The following RBFOX1 variants were observed in gnomAD, a reference collection of about 807,000 sequenced individuals.
RBFOX1 encodes RNA binding fox-1 homolog 1.
A neutral mutation model predicts 57.7 loss-of-function variants in RBFOX1; 8 were observed. The ratio of observed to expected loss-of-function variants is 0.14; its 90% CI spans 0.08 to 0.25. RBFOX1 has a LOEUF of 0.25. Among genes scored for constraint, RBFOX1 ranks in the 10% least tolerant of loss-of-function variants. The probability of loss-of-function intolerance (pLI) is 1.00; values close to 1 mark genes in which losing one functional copy is unlikely to be tolerated. For synonymous variants in RBFOX1, 326 were observed against 222.4 expected, an observed-to-expected ratio of 1.47 and a Z score of -4.15; for missense variants, 611 against 548.5, an observed-to-expected ratio of 1.11 and a Z score of -1.14.
intron 4 of RBFOX1, among the ~76,000 whole-genome samples, chr16:7,363,853 G>C (rs1228242216): frequency 6.6e-6 from 1 of 152,134 alleles, no homozygotes; most frequent in Non-Finnish European, 1.5e-5. Flanking sequence ...TCTGGGTGGA[G>C]GGGGAGGGAC....
chr16:5,688,715 G>T (rs551009027), intron 3 of RBFOX1, among the ~76,000 whole-genome samples: 1 of 152,278 alleles, frequency 6.6e-6, no homozygotes, highest in East Asian at 1.9e-4. Context: ...GTGACATAAT[G>T]GCAAAGACTG....
At chr16:6,600,241 C>A (rs1276923872) in intron 2 of RBFOX1, among the ~76,000 whole-genome samples, 4 of 152,118 alleles carry the variant, frequency 2.6e-5, no homozygotes, top group South Asian at 2.1e-4. Context: ...ACGAAATCCA[C>A]CAGACAGAAT....
intron 1 of RBFOX1, among the ~76,000 whole-genome samples, chr16:5,376,139 G>A (rs1189730999): frequency 2.0e-5 from 3 of 151,058 alleles, no homozygotes; most frequent in Non-Finnish European, 4.4e-5. Flanking sequence ...CTGCTTTCCA[G>A]CCTGGGTGAC....
intron 3 of RBFOX1, among the ~76,000 whole-genome samples, chr16:6,927,895 A>G (rs149937265): frequency 6.6e-6 from 1 of 152,252 alleles, no homozygotes; most frequent in Admixed American, 6.5e-5. Context: ...AGCATACGCT[A>G]AACATCATCT....
chr16:7,041,150 G>C (rs550834870), intron 3 of RBFOX1, among the ~76,000 whole-genome samples: 3 of 142,516 alleles, frequency 2.1e-5, no homozygotes, highest in South Asian at 4.4e-4. Flanking sequence ...TGGTCAGGCT[G>C]GTGTCGAACA....
rs537240030 is a variant in RBFOX1 at position 5,374,303 on chromosome 16, C to T, written c.220-92913C>T. Reference sequence around the variant, plus strand: ...ACTAATAAAAGTGCTGTATGTGATACTGAGATAAAGAGGCCTGGAAGTTTG... The same window carrying T: ...ACTAATAAAAGTGCTGTATGTGATATTGAGATAAAGAGGCCTGGAAGTTTG... On this transcript the variant is annotated intron_variant, in intron 1 of 2. Transcript: ENST00000585867. 4.6e-5 allele frequency among the ~76,000 whole-genome samples: 7 copies of T among 152,284 alleles called. No individual in the cohort carries two copies. The South Asian group carries it at 1.2e-3, about 27-fold the overall frequency.
chr16:6,499,409 A>G (rs867114340), intron 2 of RBFOX1, among the ~76,000 whole-genome samples: 1 of 152,208 alleles, frequency 6.6e-6, no homozygotes, highest in Non-Finnish European at 1.5e-5. Context: ...CTTAATTAAA[A>G]TAAAAACTGT....
chr16:6,869,483 T>C (rs1261064921), intron 3 of RBFOX1, among the ~76,000 whole-genome samples: 1 of 151,852 alleles, frequency 6.6e-6, no homozygotes, highest in South Asian at 2.1e-4. Context: ...TTTTTTTTTT[T>C]TAATGTAAAT....
At chr16:5,712,449 T>C (rs2051525906) in intron 3 of RBFOX1, among the ~76,000 whole-genome samples, 1 of 152,216 alleles carries the variant, frequency 6.6e-6, no homozygotes, top group African/African-American at 2.4e-5. Flanking sequence ...TCAGATCTGA[T>C]TCCAAAGGTT....
chr16:7,368,897 C>T (rs9931249), intron 4 of RBFOX1, among the ~76,000 whole-genome samples: 15 of 151,992 alleles, frequency 9.9e-5, no homozygotes, highest in Non-Finnish European at 2.1e-4. Flanking sequence ...AAGAAAGTGC[C>T]CTCTAATGGC....
rs549791460 is a variant in RBFOX1, at chr16:5,291,387, C to T, written c.219+51282C>T. On this transcript the variant is annotated intron_variant, in intron 1 of 2. Transcript: ENST00000585867. ...ACGCCATTCTCCTGCCTCAGCCTCC[C>T]GAGTAGCTGGGACTACAGGCACCCG... Among the ~76,000 whole-genome samples the T allele has an allele frequency of 2.3e-4, 35 of 151,958 alleles. No individual in the cohort carries two copies. The East Asian group carries it at 3.9e-3, about 17-fold the overall frequency.
intron 15 of RBFOX1, 24 bp downstream of exon 15, chr16:7,709,155 C>T (rs1488075741): frequency 6.3e-7 from 1 of 1,582,778 alleles, no homozygotes; most frequent in Non-Finnish European, 8.7e-7. Flanking sequence ...TCTCCTTGTC[C>T]TCACTTCCTC....
Position 7,125,725 on chromosome 16 carries a change from C to T in RBFOX1, c.27+73627C>T, listed in dbSNP as rs573711885. 2.3e-3 allele frequency among the ~76,000 whole-genome samples: 351 copies of T among 152,092 alleles called. 1 individual carries two copies. The highest frequency in any genetic ancestry group is 8.1e-3 in the African/African-American group (335 of 41,474). On this transcript the variant is annotated intron_variant, in intron 4 of 15. Coordinates refer to ENST00000550418, the MANE Select transcript of RBFOX1 (RefSeq NM_018723.4). ...TTTTTTAGACAGATGCCTAAACTCC[C>T]TTTGTTTCACACAACTATGCAAATT...
chr16:7,045,273 C>T (rs555444740), intron 3 of RBFOX1, among the ~76,000 whole-genome samples: 6 of 151,940 alleles, frequency 3.9e-5, no homozygotes, highest in Non-Finnish European at 8.8e-5. Flanking sequence ...GGAACAGGTG[C>T]ATGACCCAAA....
At chr16:5,306,056 C>G (rs984096055) in intron 1 of RBFOX1, among the ~76,000 whole-genome samples, 2 of 148,870 alleles carry the variant, frequency 1.3e-5, no homozygotes, top group Non-Finnish European at 3.0e-5. Flanking sequence ...ACAAAAGCAA[C>G]TAGGCATGGT....
chr16:7,641,322 G>A (rs1432777765), intron 11 of RBFOX1, among the ~76,000 whole-genome samples: 1 of 152,168 alleles, frequency 6.6e-6, no homozygotes, highest in African/African-American at 2.4e-5. Flanking sequence ...AAAGAGCCTG[G>A]TGTAGTTCAT....
intron 1 of RBFOX1, among the ~76,000 whole-genome samples, chr16:6,047,612 C>G (rs571908095): frequency 6.6e-6 from 1 of 152,306 alleles, no homozygotes; most frequent in Admixed American, 6.5e-5. Context: ...TGAGGGATGA[C>G]TTGCTCACAG....
chr16:7,422,798 G>A (rs1216884044), intron 4 of RBFOX1: 1 of 152,102 alleles, frequency 6.6e-6, no homozygotes, highest in Non-Finnish European at 1.5e-5. Flanking sequence ...ATAACAAGGA[G>A]GAAACCTGCT....
At chr16:6,597,571 G>C (rs914743537) in intron 2 of RBFOX1, among the ~76,000 whole-genome samples, 5 of 152,134 alleles carry the variant, frequency 3.3e-5, no homozygotes, top group African/African-American at 1.2e-4. Flanking sequence ...TATTCGGGAG[G>C]CTGAGGCAGG....
Sources: gnomAD v4.1 joint callset for allele counts (sites outside exome capture counted in the v4.1 genomes callset) on GRCh38, gnomAD v4.1.1 for gene constraint, MANE v1.5 for transcripts, NCBI Gene and HGNC (gene_info 2026-07-23, HGNC 2026-07-21) for gene names.